Variants in RBM26 observed in about 807,000 individuals in gnomAD.
The protein encoded by RBM26 is RNA-binding protein 26.
A neutral mutation model predicts 123.6 loss-of-function variants in RBM26; 30 were observed. The observed-to-expected ratio is 0.24, with a 90% CI of 0.18 to 0.33. The LOEUF (loss-of-function observed/expected upper bound fraction) is 0.33, where lower values mean the gene tolerates loss of function less well. RBM26 is among the 10% of genes least tolerant of loss of function. The pLI is 1.00. For synonymous variants in RBM26, 400 were observed against 404.4 expected, an observed-to-expected ratio of 0.99 and a Z score of 0.13; for missense variants, 947 against 1,203.6, an observed-to-expected ratio of 0.79 and a Z score of 3.15.
Position 79,355,358 on chromosome 13 carries a change from A to T in RBM26, c.1716T>A (p.Gly572=). The change falls in exon 12 of 22, where the codon GGT becomes GGA. Residue 572 remains glycine (G), a synonymous_variant. Coordinates refer to ENST00000438737, the MANE Select transcript of RBM26 (RefSeq NM_001366735.2). The stretch of plus-strand genomic sequence containing the variant: ...CGTATGTTGCAAATTGGATTAGGGC[A>T]CCTTCAGGATCACCATTATAAGCAA... ...LQVAYNGDPE[G]ALIQFATYEE... 6.2e-7 allele frequency: 1 copy of T among 1,613,712 alleles called. No individual in the cohort carries two copies. The highest frequency in any genetic ancestry group is 8.5e-7 in the Non-Finnish European group (1 of 1,179,764).
At chr13:79,369,583 A>G (rs1484593721) in intron 5 of RBM26, among the ~76,000 whole-genome samples, 1 of 152,204 alleles carries the variant, frequency 6.6e-6, no homozygotes, top group Non-Finnish European at 1.5e-5. Flanking sequence ...GTAACAGAAT[A>G]CAGGGCTTAT....
At chr13:79,373,305 A>T (rs1390455430) in intron 3 of RBM26, among the ~76,000 whole-genome samples, 7 of 108,330 alleles carry the variant, frequency 6.5e-5, no homozygotes, top group East Asian at 2.5e-4. Context: ...AATATATAAA[A>T]ATATAAATAA....
intron 10 of RBM26, among the ~76,000 whole-genome samples, 184 bp downstream of exon 10, chr13:79,359,391 A>T (rs2074401588): frequency 6.6e-6 from 1 of 152,224 alleles, no homozygotes. Flanking sequence ...CCATTTCTGT[A>T]AGAAAATGCT....
chr13:79,385,778 T>C (rs2140316839), intron 1 of RBM26, among the ~76,000 whole-genome samples: 1 of 152,256 alleles, frequency 6.6e-6, no homozygotes, highest in Admixed American at 6.5e-5. Flanking sequence ...AGGAAGCCCA[T>C]ATGTGGGGCT....
In RBM26 at chr13:79,372,841, ATT is replaced by A. The variant is rs2076079186; in HGVS notation, c.328-913_328-912del. ...TATAATAAATATTTTATATAAATAT[ATT>A]ATATATTATATAAATATAAATATAT... On this transcript the variant is annotated intron_variant, in intron 3 of 21. Coordinates refer to ENST00000438737, the MANE Select transcript of RBM26 (RefSeq NM_001366735.2). 2.7e-5 allele frequency among the ~76,000 whole-genome samples: 3 copies of A among 113,198 alleles called. 1 individual carries two copies. Among genetic ancestry groups the A allele is most frequent in the African/African-American group, 1.2e-4 (3 of 25,828 alleles). The allele number at this position is 113,198 out of a possible 152,430, so 74.3% of individuals were successfully genotyped here. A position where few individuals can be genotyped will look rare whatever the true frequency, so the allele number is the denominator to read the frequency against.
At chr13:79,399,692 G>C (rs2078899083) in intron 1 of RBM26, among the ~76,000 whole-genome samples, 1 of 152,110 alleles carries the variant, frequency 6.6e-6, no homozygotes, top group South Asian at 2.1e-4. Flanking sequence ...AAGGCCTAGA[G>C]ATAAAAACAG....
intron 6 of RBM26, among the ~76,000 whole-genome samples, chr13:79,368,190 A>G (rs891989559): frequency 2.0e-5 from 3 of 151,982 alleles, no homozygotes; most frequent in African/African-American, 4.8e-5. Flanking sequence ...ACGCCCAGCT[A>G]ATTTGTTGTA....
At chr13:79,391,703 C>T (rs944879100) in intron 1 of RBM26, among the ~76,000 whole-genome samples, 24 of 152,144 alleles carry the variant, frequency 1.6e-4, no homozygotes, top group Admixed American at 7.2e-4. Flanking sequence ...GGATTACAGG[C>T]GTGAGCCACC....
intron 20 of RBM26, 23 bp downstream of exon 20, chr13:79,334,321 G>A: frequency 7.7e-7 from 1 of 1,296,124 alleles, no homozygotes; most frequent in Non-Finnish European, 1.1e-6. Context: ...AATCTGAATT[G>A]ATAAATTATT....
chr13:79,390,375 A>C lies in RBM26; in HGVS notation c.72-11468T>G, dbSNP rs190600849. Reference sequence around the variant, plus strand: ...AATACTCTGATTCCACTGACAGAAAAGTTCTACAACAGGTAATACTAATAT... The same window carrying C: ...AATACTCTGATTCCACTGACAGAAACGTTCTACAACAGGTAATACTAATAT... On this transcript the variant is annotated intron_variant, in intron 1 of 21. Transcript: ENST00000438737. Among the ~76,000 whole-genome samples, 453 of 152,292 alleles carry C rather than the reference A, an allele frequency of 3.0e-3. 2 individuals are homozygous for C. Among genetic ancestry groups the C allele is most frequent in the Non-Finnish European group, 5.0e-3 (342 of 67,990 alleles).
intron 1 of RBM26, among the ~76,000 whole-genome samples, chr13:79,402,919 A>G (rs533658234): frequency 6.6e-6 from 1 of 152,212 alleles, no homozygotes; most frequent in African/African-American, 2.4e-5. Context: ...CTTAAAATAA[A>G]TGTTTGCTGA....
chr13:79,345,595 T>C (rs954664431), intron 14 of RBM26, among the ~76,000 whole-genome samples: 1 of 151,994 alleles, frequency 6.6e-6, no homozygotes, highest in African/African-American at 2.4e-5. Context: ...AGGCCACGGG[T>C]AAGATTAAGT....
In RBM26 at chr13:79,325,879, T is replaced by C. The variant is rs542244078; in HGVS notation, c.2821-3417A>G. On this transcript the variant is annotated intron_variant, in intron 20 of 21. Coordinates refer to ENST00000438737, the MANE Select transcript of RBM26 (RefSeq NM_001366735.2). ...GTAGGTACCCCATACAGGTATACCA[T>C]GTTTTATCTTTTATACCCTATTTTT... is the stretch of plus-strand genomic sequence containing the variant. Among the ~76,000 whole-genome samples, 5 of 152,290 alleles carry C rather than the reference T, an allele frequency of 3.3e-5. No homozygotes were observed. In the South Asian group the frequency reaches 6.2e-4, roughly 19 times the overall value.
intron 6 of RBM26, among the ~76,000 whole-genome samples, chr13:79,367,432 A>AAAAAAAAAAAAT (rs1566476253): frequency 4.7e-5 from 2 of 42,728 alleles, no homozygotes; most frequent in Non-Finnish European, 1.1e-4. Flanking sequence ...AAAAAAAAAA[A>AAAAAAAAAAAAT]GAAGAAGAAG....
intron 3 of RBM26, among the ~76,000 whole-genome samples, chr13:79,373,462 TAA>T (rs372382521): frequency 0.013 from 951 of 71,710 alleles, 65 homozygotes; most frequent in African/African-American, 0.047. Flanking sequence ...TAAATATATA[TAA>T]TATGTATAAA....
intron 20 of RBM26, among the ~76,000 whole-genome samples, chr13:79,333,586 G>C (rs1362767167): frequency 6.6e-6 from 1 of 152,128 alleles, no homozygotes; most frequent in Non-Finnish European, 1.5e-5. Context: ...TTTCATCCCT[G>C]GAACAATGGC....
chr13:79,371,031 C>T lies in RBM26; in HGVS notation c.548G>A (p.Arg183Gln), dbSNP rs1352778278. 2.5e-6 allele frequency: 4 copies of T among 1,611,716 alleles called. No homozygotes were observed. Among genetic ancestry groups the T allele is most frequent in the Non-Finnish European group, 3.4e-6 (4 of 1,177,900 alleles). ...CCTCTCTTTACTCCAACTTCGACTT[C>T]GACTCCTGCTATAACTGCGACTCCG... ...RGRSRSYSRS[R>Q]SRSWSKERLR... The change falls in exon 5 of 22, where the codon CGA (arginine) becomes CAA (glutamine). Residue 183 changes from arginine (R) to glutamine (Q), a missense_variant. This residue lies in a region of RBM26 where 275 missense variants were observed against 361.0 expected (regional missense o/e 0.76). Coordinates refer to ENST00000438737, the MANE Select transcript of RBM26 (RefSeq NM_001366735.2).
intron 14 of RBM26, among the ~76,000 whole-genome samples, chr13:79,349,944 C>T (rs1483538139): frequency 6.6e-6 from 1 of 152,132 alleles, no homozygotes; most frequent in African/African-American, 2.4e-5. Context: ...GATCTGCCTA[C>T]CTCGGCCTCC....
At chr13:79,372,047 G>A in intron 3 of RBM26, 117 bp from the exon 4 acceptor site, 1 of 683,700 alleles carries the variant, frequency 1.5e-6, no homozygotes. Context: ...TTGGGAGGCT[G>A]AGGCGGGTGG....
Sources: gnomAD v4.1 joint callset for allele counts (sites outside exome capture counted in the v4.1 genomes callset) on GRCh38, gnomAD v4.1.1 for gene constraint, gnomAD v4.1.1 regional missense constraint, MANE v1.5 for transcripts, NCBI Gene and HGNC (gene_info 2026-07-23, HGNC 2026-07-21) for gene names.